TRPM3: variants seen among roughly 807,000 people sequenced by gnomAD.
TRPM3 encodes the protein long transient receptor potential channel 3.
TRPM3 carries 77 observed loss-of-function variants against 181.2 expected under a neutral mutation model. The observed-to-expected ratio is 0.42, with a 90% CI of 0.35 to 0.51. The LOEUF (loss-of-function observed/expected upper bound fraction) is 0.51. TRPM3 is among the 20% of genes least tolerant of loss of function. The pLI is 0.01. For synonymous variants in TRPM3, 745 were observed against 796.4 expected (o/e 0.94, Z 1.09); for missense variants, 1,759 against 2,196.7 (o/e 0.80, Z 3.98).
At chr9:70,639,023 A>G (rs1376067229) in intron 11 of TRPM3, 37 bp downstream of exon 11, 1 of 1,606,042 alleles carries the variant, frequency 6.2e-7, no homozygotes, top group South Asian at 1.1e-5. Flanking sequence ...ACAAACAGAA[A>G]AAAAAGAAAA....
At chr9:70,596,712 C>CAAAA (rs33932883) in intron 21 of TRPM3, among the ~76,000 whole-genome samples, 1 of 132,112 alleles carries the variant, frequency 7.6e-6, no homozygotes. Context: ...AAAACACTGT[C>CAAAA]AAAAAAAAAA....
chr9:70,556,771 C>T (rs1214087851), intron 22 of TRPM3, among the ~76,000 whole-genome samples: 1 of 152,112 alleles, frequency 6.6e-6, no homozygotes, highest in Non-Finnish European at 1.5e-5. Flanking sequence ...TTCAAATGAT[C>T]TGACTTTAGC....
chr9:71,139,858 A>G (rs1348071672), intron 1 of TRPM3, among the ~76,000 whole-genome samples: 1 of 152,170 alleles, frequency 6.6e-6, no homozygotes, highest in South Asian at 2.1e-4. Context: ...GTTTCCAAGT[A>G]TCCTTTATAT....
chr9:70,951,107 A>G (rs2096993371), intron 1 of TRPM3, among the ~76,000 whole-genome samples: 2 of 152,170 alleles, frequency 1.3e-5, no homozygotes, highest in South Asian at 4.1e-4. Flanking sequence ...ATTATTATGT[A>G]AGTAATCAAA....
intron 22 of TRPM3, among the ~76,000 whole-genome samples, chr9:70,589,166 C>T (rs1021911641): frequency 5.3e-5 from 8 of 152,234 alleles, no homozygotes; most frequent in East Asian, 1.9e-4. Flanking sequence ...GTTTCACTCA[C>T]ACAGAACACA....
intron 1 of TRPM3, among the ~76,000 whole-genome samples, chr9:70,881,049 T>A (rs1207081468): frequency 1.3e-5 from 2 of 152,162 alleles, no homozygotes; most frequent in African/African-American, 4.8e-5. Flanking sequence ...CAATCCTGGA[T>A]TCTTTTTTTA....
At chr9:70,792,493 G>C (rs2085714254) in intron 6 of TRPM3, among the ~76,000 whole-genome samples, 2 of 151,608 alleles carry the variant, frequency 1.3e-5, no homozygotes, top group Non-Finnish European at 1.5e-5. Flanking sequence ...ATCTATGAAA[G>C]AGAGGGAAAA....
intron 1 of TRPM3, among the ~76,000 whole-genome samples, chr9:71,410,233 G>T (rs1382309390): frequency 2.0e-5 from 3 of 152,006 alleles, no homozygotes; most frequent in East Asian, 3.9e-4. Context: ...TCAAAAGCTA[G>T]CAGAAGGCAA....
intron 1 of TRPM3, chr9:70,917,464 C>G (rs927300184): frequency 1.3e-6 from 1 of 747,534 alleles, no homozygotes; most frequent in African/African-American, 1.7e-5. Context: ...AGGCCACCCG[C>G]ACTGTCACTG....
intron 22 of TRPM3, among the ~76,000 whole-genome samples, chr9:70,584,214 T>G (rs930304089): frequency 6.6e-6 from 1 of 152,028 alleles, no homozygotes; most frequent in Non-Finnish European, 1.5e-5. Flanking sequence ...TTTTTATGAG[T>G]CCACTTCCCC....
chr9:71,376,672 T>C (rs888813201), intron 1 of TRPM3, among the ~76,000 whole-genome samples: 3 of 152,096 alleles, frequency 2.0e-5, no homozygotes, highest in Non-Finnish European at 4.4e-5. Context: ...TCATAATTCC[T>C]TTTATCTAAG....
chr9:71,009,804 C>G (rs137993830), intron 1 of TRPM3, among the ~76,000 whole-genome samples: 53 of 152,196 alleles, frequency 3.5e-4, no homozygotes, highest in Admixed American at 2.0e-3. Context: ...AAGCGGGAGG[C>G]ATCATATTAC....
At chr9:71,090,155 T>C (rs937412469) in intron 1 of TRPM3, among the ~76,000 whole-genome samples, 2 of 152,034 alleles carry the variant, frequency 1.3e-5, no homozygotes, top group Non-Finnish European at 2.9e-5. Flanking sequence ...TGGGAGTTAC[T>C]GGGAAGAGAT....
At chr9:71,090,752 C>T (rs1374131710) in intron 1 of TRPM3, among the ~76,000 whole-genome samples, 1 of 152,110 alleles carries the variant, frequency 6.6e-6, no homozygotes, top group Non-Finnish European at 1.5e-5. Context: ...TTAACTTCTC[C>T]AAGCCTCAAA....
At chr9:70,973,098 G>A (rs2097262939) in intron 1 of TRPM3, among the ~76,000 whole-genome samples, 1 of 152,140 alleles carries the variant, frequency 6.6e-6, no homozygotes, top group Admixed American at 6.5e-5. Flanking sequence ...ACAGATAGGA[G>A]GCAGGCCCTG....
chr9:71,017,545 G>A (rs1300148821), intron 1 of TRPM3, among the ~76,000 whole-genome samples: 1 of 151,738 alleles, frequency 6.6e-6, no homozygotes, highest in Non-Finnish European at 1.5e-5. Flanking sequence ...ATACAAATAT[G>A]ACACAAAGAA....
rs765577239 is a variant in TRPM3 at position 70,863,045 on chromosome 9, C to A, written c.325G>T (p.Glu109Ter). ...CGGGAGAGGCGACTTTCATTTTTCT[C>A]ATTCTGAAGCACGGAGATACTGGGG... ...LTPSISVLQNEKNESRLSRND... is the reference protein window; with the variant it reads ...LTPSISVLQN Residue 109 changes from glutamate (E) to a stop codon, truncating the protein, a stop_gained, in exon 3 of 26, where the codon GAG (glutamate) becomes TAG (stop). Transcript: ENST00000677713. LOFTEE classifies it high-confidence loss of function. The A allele has an allele frequency of 6.2e-7, 1 of 1,613,540 alleles. No homozygotes were observed. The highest frequency in any genetic ancestry group is 8.5e-7 in the Non-Finnish European group (1 of 1,179,732).
chr9:70,783,427 A>C (rs2082900393), intron 7 of TRPM3, among the ~76,000 whole-genome samples: 1 of 152,120 alleles, frequency 6.6e-6, no homozygotes, highest in Non-Finnish European at 1.5e-5. Flanking sequence ...CCTGGATTTC[A>C]GCATTTGCTC....
At chr9:71,132,330 T>G (rs12341956) in intron 1 of TRPM3, among the ~76,000 whole-genome samples, 9,280 of 152,234 alleles carry the variant, frequency 0.061, 420 homozygotes, top group African/African-American at 0.13. Context: ...AACCACACAC[T>G]GAGCATTATT....
Sources: allele counts gnomAD v4.1 joint callset (sites outside exome capture counted in the v4.1 genomes callset), GRCh38; gene constraint gnomAD v4.1.1; transcripts MANE v1.5; gene names NCBI Gene and HGNC (gene_info 2026-07-23, HGNC 2026-07-21).